Variants in TENM3 observed in about 807,000 individuals in gnomAD.
The protein encoded by TENM3 is teneurin transmembrane protein 3.
Under a neutral mutation model 255.1 loss-of-function variants are expected in TENM3, and 63 were observed. The ratio of observed to expected loss-of-function variants is 0.25; its 90% CI spans 0.20 to 0.30. TENM3 has a LOEUF of 0.30. TENM3 is among the 10% of genes least tolerant of loss of function. The pLI, the probability that TENM3 is intolerant of heterozygous loss-of-function variation, is 1.00. For synonymous variants in TENM3, 1,306 were observed against 1,322.3 expected (o/e 0.99, Z 0.27); for missense variants, 2,929 against 3,461.1 (o/e 0.85, Z 3.86).
chr4:181,851,453 G>C, the TENM3 span, among the ~76,000 whole-genome samples: 3 of 152,162 alleles, frequency 2.0e-5, no homozygotes, highest in African/African-American at 7.2e-5. Flanking sequence ...AAAACCATTA[G>C]ACAGGGTTGT....
the TENM3 span, among the ~76,000 whole-genome samples, chr4:181,881,834 T>C: frequency 6.6e-6 from 1 of 152,182 alleles, no homozygotes; most frequent in East Asian, 1.9e-4. Flanking sequence ...GCTGAACAAT[T>C]GATATATTTA....
At chr4:182,562,539 A>G (rs1228948998) in intron 3 of TENM3, among the ~76,000 whole-genome samples, 1 of 152,120 alleles carries the variant, frequency 6.6e-6, no homozygotes, top group African/African-American at 2.4e-5. Context: ...TTCACTCAAG[A>G]AAATGTATGG....
At chr4:182,166,108 A>T (rs1384160156) in intron 1 of TENM3, among the ~76,000 whole-genome samples, 1 of 152,182 alleles carries the variant, frequency 6.6e-6, no homozygotes, top group Non-Finnish European at 1.5e-5. Flanking sequence ...ATGTGCGTTT[A>T]TGTATGTTGA....
In TENM3 at chr4:182,799,839, A is replaced by C. The variant is rs199783984; in HGVS notation, c.7588A>C (p.Asn2530His). The part of the protein sequence containing the change: ...DCIKVAAVLN[N>H]AFYLENLHFT... ...CATCAAGGTGGCGGCCGTGCTCAAC[A>C]ACGCCTTCTACCTGGAGAACCTGCA... Residue 2530 changes from asparagine (N) to histidine (H), a missense_variant, in exon 28 of 28, where the codon AAC becomes CAC. Asn to His is a moderately conservative substitution (Grantham distance 68). This residue lies in a region of TENM3 where 476 missense variants were observed against 480.1 expected (regional missense o/e 0.99). Transcript: ENST00000511685. This position sits in a 1 kb window ranked among gnomAD's most constrained non-coding sequence, Gnocchi z 4.2. 78 of 1,611,256 alleles carry C rather than the reference A, an allele frequency of 4.8e-5. No individual in the cohort carries two copies. The African/African-American group carries it at 8.7e-4, about 18-fold the overall frequency.
chr4:181,799,416 C>T, the TENM3 span, among the ~76,000 whole-genome samples: 42 of 152,214 alleles, frequency 2.8e-4, no homozygotes, highest in Non-Finnish European at 5.0e-4. Flanking sequence ...CTTCCACAAA[C>T]GTATCTATAA....
chr4:181,938,477 A>G, the TENM3 span, among the ~76,000 whole-genome samples: 21 of 152,200 alleles, frequency 1.4e-4, no homozygotes, highest in African/African-American at 4.8e-4. Flanking sequence ...TTTACAAAAC[A>G]CTCAATAAAT....
chr4:182,548,107 C>G (rs1741632663), intron 3 of TENM3, among the ~76,000 whole-genome samples: 2 of 151,948 alleles, frequency 1.3e-5, no homozygotes, highest in African/African-American at 4.8e-5. Context: ...ACCTGTAGTC[C>G]CAGCTACTTG....
At chr4:181,571,047 C>A in the TENM3 span, among the ~76,000 whole-genome samples, 1 of 152,288 alleles carries the variant, frequency 6.6e-6, no homozygotes, top group South Asian at 2.1e-4. Flanking sequence ...TTGTCCTCTG[C>A]TGTGCCATCG....
intron 2 of TENM3, among the ~76,000 whole-genome samples, chr4:182,345,461 G>C (rs1764739074): frequency 6.6e-6 from 1 of 152,170 alleles, no homozygotes; most frequent in Non-Finnish European, 1.5e-5. Context: ...TAATATAAAT[G>C]CTTAATATAC....
chr4:182,499,433 T>C (rs1010318930), intron 3 of TENM3, among the ~76,000 whole-genome samples: 7 of 152,148 alleles, frequency 4.6e-5, no homozygotes, highest in African/African-American at 1.4e-4. Context: ...CTGTCTGGTA[T>C]TTGAACCCAG....
At chr4:181,600,627 G>A in the TENM3 span, among the ~76,000 whole-genome samples, 1 of 151,256 alleles carries the variant, frequency 6.6e-6, no homozygotes, top group Non-Finnish European at 1.5e-5. Context: ...GACTCTGATT[G>A]CCTGGCCCTT....
the TENM3 span, among the ~76,000 whole-genome samples, chr4:181,990,797 G>C: frequency 6.6e-6 from 1 of 151,956 alleles, no homozygotes; most frequent in East Asian, 1.9e-4. Flanking sequence ...ATTAAACCCC[G>C]GAACTCCTAA....
the TENM3 span, among the ~76,000 whole-genome samples, chr4:181,680,561 C>T: frequency 2.0e-5 from 3 of 152,144 alleles, 1 homozygote; most frequent in East Asian, 5.8e-4. Flanking sequence ...TTGCTTCTAT[C>T]TTTGATATGT....
the TENM3 span, among the ~76,000 whole-genome samples, chr4:181,590,281 A>G: frequency 5.9e-5 from 9 of 152,122 alleles, no homozygotes; most frequent in African/African-American, 2.2e-4. Flanking sequence ...AAAAAGCATC[A>G]GTGGAAAATT....
intron 3 of TENM3, among the ~76,000 whole-genome samples, chr4:182,417,638 A>G (rs1219575862): frequency 6.6e-6 from 1 of 152,204 alleles, no homozygotes; most frequent in African/African-American, 2.4e-5. Context: ...AGGGGGAAAA[A>G]ATTGTCAGAC....
the TENM3 span, among the ~76,000 whole-genome samples, chr4:181,514,960 C>T: frequency 3.2e-3 from 490 of 152,222 alleles, 5 homozygotes; most frequent in African/African-American, 0.011. Context: ...AGGTAACTGA[C>T]GCCAAACGAT....
chr4:181,632,811 T>C, the TENM3 span, among the ~76,000 whole-genome samples: 1 of 152,186 alleles, frequency 6.6e-6, no homozygotes, highest in East Asian at 1.9e-4. Flanking sequence ...GTTAAGAATA[T>C]GACGGCATGA....
At chr4:182,598,549 C>G (rs1747514536) in intron 3 of TENM3, among the ~76,000 whole-genome samples, 1 of 152,176 alleles carries the variant, frequency 6.6e-6, no homozygotes, top group Admixed American at 6.5e-5. Context: ...AATAAGAATT[C>G]TAAATTCAAC....
the TENM3 span, among the ~76,000 whole-genome samples, chr4:181,896,921 A>C: frequency 6.6e-6 from 1 of 152,314 alleles, no homozygotes; most frequent in Admixed American, 6.5e-5. Flanking sequence ...TTAAACCCCA[A>C]GATATGTCTC....
Sources: allele counts gnomAD v4.1 joint callset (sites outside exome capture counted in the v4.1 genomes callset), GRCh38; gene constraint gnomAD v4.1.1; regional missense constraint gnomAD v4.1.1; non-coding constraint Gnocchi (gnomAD v3.1); transcripts MANE v1.5; gene names NCBI Gene and HGNC (gene_info 2026-07-23, HGNC 2026-07-21).